CR1: variants seen among roughly 807,000 people sequenced by gnomAD.
CR1 encodes the protein complement receptor type 1.
In CR1, 116 loss-of-function variants were observed where a neutral mutation model predicts 187.3. That is an observed-to-expected ratio of 0.62 (90% CI 0.53 to 0.72). The LOEUF (loss-of-function observed/expected upper bound fraction) is 0.72, where lower values mean the gene tolerates loss of function less well. CR1 is among the 30% of genes least tolerant of loss of function. The pLI is 0.00. For synonymous variants in CR1, 576 were observed against 747.1 expected (o/e 0.77, Z 3.73); for missense variants, 1,731 against 2,110.7 (o/e 0.82, Z 3.52).
chr1:207,608,972 GA>G (rs558890079), intron 36 of CR1, among the ~76,000 whole-genome samples: 16 of 151,830 alleles, frequency 1.1e-4, no homozygotes, highest in South Asian at 2.1e-4. Context: ...TAACCTATAG[GA>G]AAAAATAGTC....
At position 207,639,625 on chromosome 1, in the gene CR1, T is replaced by A; in HGVS notation, c.*216T>A. 1 of 527,534 alleles carries A rather than the reference T, an allele frequency of 1.9e-6. No homozygotes were observed. The highest frequency in any genetic ancestry group is 3.0e-5 in the East Asian group (1 of 33,550). The allele number at this position is 527,534 out of a possible 1,614,324, so 32.7% of individuals were successfully genotyped here. ...ACTGTGAAACCCCCACCCTTCTGCC[T>A]CGTGCTAAACGCACACAGTATCTAG... On this transcript the variant is annotated 3_prime_UTR_variant, in exon 47 of 47. Coordinates refer to ENST00000367049, the MANE Select transcript of CR1 (RefSeq NM_000651.6).
chr1:207,610,228 A>G (rs1013197041), intron 37 of CR1, among the ~76,000 whole-genome samples: 1 of 152,076 alleles, frequency 6.6e-6, no homozygotes, highest in Non-Finnish European at 1.5e-5. Flanking sequence ...CCAAACAAAT[A>G]TATATATATG....
chr1:207,612,403 A>G (rs981251362), intron 39 of CR1, among the ~76,000 whole-genome samples: 5 of 152,254 alleles, frequency 3.3e-5, no homozygotes, highest in Non-Finnish European at 2.9e-5. Context: ...TTTGCCCCAT[A>G]AGAAGTAAGG....
intron 4 of CR1, among the ~76,000 whole-genome samples, chr1:207,519,233 A>G (rs1659896028): frequency 6.6e-6 from 1 of 151,924 alleles, no homozygotes; most frequent in Admixed American, 6.6e-5. Context: ...AACATCATAT[A>G]GTAAGGTTTT....
chr1:207,624,629 A>T (rs1662425118), intron 45 of CR1, among the ~76,000 whole-genome samples: 1 of 152,202 alleles, frequency 6.6e-6, no homozygotes, highest in South Asian at 2.1e-4. Context: ...ATTGGTAGAT[A>T]TTTAAATTTA....
intron 34 of CR1, among the ~76,000 whole-genome samples, chr1:207,588,458 C>T (rs1640730335): frequency 6.6e-6 from 1 of 152,114 alleles, no homozygotes; most frequent in South Asian, 2.1e-4. Flanking sequence ...GGCGAGAGCC[C>T]ATACATAACC....
chr1:207,523,204 C>T (rs541881670), intron 4 of CR1, among the ~76,000 whole-genome samples: 21 of 152,074 alleles, frequency 1.4e-4, no homozygotes, highest in Non-Finnish European at 2.9e-4. Flanking sequence ...TGTTTTCTCT[C>T]ATCCCTTATA....
chr1:207,512,946 A>G (rs1179409607), intron 4 of CR1, among the ~76,000 whole-genome samples: 4 of 152,216 alleles, frequency 2.6e-5, no homozygotes, highest in African/African-American at 9.7e-5. Context: ...GATTTACAAT[A>G]CATGCTTTTG....
intron 46 of CR1, among the ~76,000 whole-genome samples, chr1:207,638,825 A>G (rs892811428): frequency 2.7e-4 from 41 of 152,214 alleles, no homozygotes; most frequent in African/African-American, 8.7e-4. Flanking sequence ...CAGTCCCCTC[A>G]GGCAGTGGGC....
intron 28 of CR1, among the ~76,000 whole-genome samples, 180 bp downstream of exon 28, chr1:207,575,860 C>CT (rs376519988): frequency 0.019 from 2,887 of 150,564 alleles, 97 homozygotes; most frequent in African/African-American, 0.067. Flanking sequence ...CCTAGAAATG[C>CT]TTTTTTTTTT....
intron 4 of CR1, among the ~76,000 whole-genome samples, chr1:207,513,829 T>C (rs1408734977): frequency 6.7e-6 from 1 of 148,996 alleles, no homozygotes; most frequent in Non-Finnish European, 1.5e-5. Context: ...ATTTTCTTTC[T>C]TCTTTACCAC....
At chr1:207,575,202 T>TAC (rs56173301) in intron 27 of CR1, among the ~76,000 whole-genome samples, 22,354 of 149,298 alleles carry the variant, frequency 0.15, 1,724 homozygotes, top group Non-Finnish European at 0.18. Context: ...CATAGTATTA[T>TAC]ACACACACAC....
intron 29 of CR1, among the ~76,000 whole-genome samples, chr1:207,579,798 C>A (rs1279154623): frequency 6.6e-6 from 1 of 152,192 alleles, no homozygotes; most frequent in Admixed American, 6.5e-5. Context: ...TGCTGTCTAG[C>A]ACCACTGGCT....
intron 37 of CR1, among the ~76,000 whole-genome samples, chr1:207,610,594 A>G (rs1661895190): frequency 6.6e-6 from 1 of 152,118 alleles, no homozygotes; most frequent in Admixed American, 6.5e-5. Context: ...AGCCTCCCAA[A>G]GTACTGGGAT....
intron 45 of CR1, 131 bp from the exon 46 acceptor site, chr1:207,630,386 A>T: frequency 3.5e-6 from 2 of 566,632 alleles, no homozygotes; most frequent in Non-Finnish European, 6.2e-6. Context: ...TTCCTTTCAG[A>T]CGTCTTGCAA....
In CR1 at chr1:207,623,030, C is replaced by G; in HGVS notation, c.7314C>G (p.Ile2438Met). 2 of 1,581,478 alleles carry G rather than the reference C, an allele frequency of 1.3e-6. No individual in the cohort carries two copies. Among genetic ancestry groups the G allele is most frequent in the Non-Finnish European group, 1.7e-6 (2 of 1,160,966 alleles). The change falls in exon 45 of 47, where the codon ATC (isoleucine) becomes ATG (methionine). Residue 2438 changes from isoleucine to methionine, a missense_variant. Ile to Met is a conservative substitution (Grantham distance 10). This residue lies in a region of CR1 where 1,312 missense variants were observed against 1,379.6 expected (regional missense o/e 0.95). Coordinates refer to ENST00000367049, the MANE Select transcript of CR1 (RefSeq NM_000651.6). ...GTACGATCTTCTTTATTTTACTCATCATTTTCCTCTCTTGGATAATTCTAA... is the reference window on the plus strand; with the variant it reads ...GTACGATCTTCTTTATTTTACTCATGATTTTCCTCTCTTGGATAATTCTAA... ...LSGTIFFILL[I>M]IFLSWIILKH...
In CR1 at chr1:207,607,340, A is replaced by G. The variant is rs1571587933; in HGVS notation, c.5896+4A>G. On this transcript the variant is annotated splice_donor_region_variant and intron_variant, in intron 36 of 46. Transcript: ENST00000367049. ...AAGAAGGCACCTATTTGTGAGAGTA[A>G]GTTGAAATACTTTTCTCCACAAATT... is the stretch of plus-strand genomic sequence containing the variant. The G allele has an allele frequency of 1.2e-6, 2 of 1,604,864 alleles. No individual in the cohort carries two copies. Among genetic ancestry groups the G allele is most frequent in the South Asian group, 2.2e-5 (2 of 90,852 alleles).
rs758964937 is a variant in CR1, at chr1:207,505,891, T to C, written c.122-13T>C. On this transcript the variant is annotated splice_polypyrimidine_tract_variant and intron_variant, in intron 1 of 46. Transcript: ENST00000367049. ...TCCATTAACTTTGATGCTTCTATGG[T>C]CTTGATCTCCAGGTCAATGCAATGC... 1 of 1,608,372 alleles carries C rather than the reference T, an allele frequency of 6.2e-7. No individual in the cohort carries two copies. The highest frequency in any genetic ancestry group is 8.5e-7 in the Non-Finnish European group (1 of 1,177,586).
At chr1:207,618,033 G>C (rs965512693) in intron 41 of CR1, 38 bp from the exon 42 acceptor site, 6 of 1,595,414 alleles carry the variant, frequency 3.8e-6, no homozygotes, top group Non-Finnish European at 5.1e-6. Context: ...GTTTAACTGA[G>C]TGTCTTTTCT....
Sources: allele counts gnomAD v4.1 joint callset (sites outside exome capture counted in the v4.1 genomes callset), GRCh38; gene constraint gnomAD v4.1.1; regional missense constraint gnomAD v4.1.1; transcripts MANE v1.5; gene names NCBI Gene and HGNC (gene_info 2026-07-23, HGNC 2026-07-21).